Variants in MAX observed in about 807,000 individuals in gnomAD.
MAX encodes protein max.
MAX carries 3 observed loss-of-function variants against 22.3 expected under a neutral mutation model. The ratio of observed to expected loss-of-function variants is 0.13; its 90% CI spans 0.06 to 0.35. The LOEUF (loss-of-function observed/expected upper bound fraction) is 0.35. MAX is among the 10% of genes least tolerant of loss of function. The probability of loss-of-function intolerance (pLI) is 1.00; values close to 1 mark genes in which losing one functional copy is unlikely to be tolerated. For missense variants in MAX, 119 were observed against 209.4 expected (o/e 0.57, Z 2.66); for synonymous variants, 72 against 77.7 (o/e 0.93, Z 0.39).
chr14:65,102,608 C>G, upstream of MAX: 1 of 1,366,274 alleles, frequency 7.3e-7, no homozygotes, highest in South Asian at 1.7e-5. Context: ...ACTTGTAGTT[C>G]TTGTCCCTCT....
In MAX at chr14:65,029,426, A is replaced by G. The variant is rs971103337; in HGVS notation, c.172-23142T>C. On this transcript the variant is annotated intron_variant, in intron 3 of 3. Coordinates refer to the MAX transcript ENST00000341653. This position sits in a 1 kb window ranked among gnomAD's most constrained non-coding sequence, Gnocchi z 4.7. Reference sequence around the variant, plus strand: ...TCGCTGCCCTTCTGGGATAGACAGCAGTCTCTGGATGATCTTTCTGCTCTG... The same window carrying G: ...TCGCTGCCCTTCTGGGATAGACAGCGGTCTCTGGATGATCTTTCTGCTCTG... Among the ~76,000 whole-genome samples, 2 of 152,220 alleles carry G rather than the reference A, an allele frequency of 1.3e-5. No homozygotes were observed. Among genetic ancestry groups the G allele is most frequent in the African/African-American group, 4.8e-5 (2 of 41,462 alleles).
Position 65,078,536 on chromosome 14 carries a change from T to TTG in MAX, c.172-501_172-500insCA, listed in dbSNP as rs1566601575. 1.5e-4 allele frequency among the ~76,000 whole-genome samples: 23 copies of TTG among 149,032 alleles called. No homozygotes were observed. Among genetic ancestry groups the TTG allele is most frequent in the African/African-American group, 5.8e-4 (23 of 39,748 alleles). The stretch of plus-strand genomic sequence containing the variant: ...TGTTGTTGTTGTTGTTGTTGTTGTT[T>TTG]TTTTTTTTTTGGAGACGTAGTCTCG... On this transcript the variant is annotated intron_variant, in intron 3 of 4. Transcript: ENST00000358664. This position sits in a 1 kb window ranked among gnomAD's most constrained non-coding sequence, Gnocchi z 6.4.
intron 3 of MAX, among the ~76,000 whole-genome samples, chr14:65,022,878 G>A (rs1357368657): frequency 6.6e-6 from 1 of 152,028 alleles, no homozygotes; most frequent in Non-Finnish European, 1.5e-5. Context: ...CCATATTCAT[G>A]TGCCTTACCC....
chr14:65,023,876 G>A lies in MAX; in HGVS notation c.172-17592C>T, dbSNP rs1208720597. Among the ~76,000 whole-genome samples, 4 of 152,062 alleles carry A rather than the reference G, an allele frequency of 2.6e-5. No individual in the cohort carries two copies. The highest frequency in any genetic ancestry group is 3.2e-3 in the Middle Eastern group (1 of 316). On this transcript the variant is annotated intron_variant, in intron 3 of 3. Coordinates refer to the MAX transcript ENST00000341653. This position sits in a 1 kb window ranked among gnomAD's most constrained non-coding sequence, Gnocchi z 4.1. ...AGCACTTTGGGAGGCCAAGGCGGGC[G>A]GATTGTCTGAGCTCGGGAGTTCGAG... is the stretch of plus-strand genomic sequence containing the variant.
At chr14:65,060,617 A>G (rs1463587121) in intron 3 of MAX, among the ~76,000 whole-genome samples, 2 of 120,148 alleles carry the variant, frequency 1.7e-5, no homozygotes, top group Non-Finnish European at 3.1e-5. Flanking sequence ...AATGGCGTGA[A>G]CCCGGGAGGC....
intron 3 of MAX, among the ~76,000 whole-genome samples, chr14:65,025,710 G>A (rs1319769128): frequency 6.6e-6 from 1 of 152,162 alleles, no homozygotes; most frequent in Non-Finnish European, 1.5e-5. Context: ...AGCTACTTGG[G>A]AGGCTGAGGT....
chr14:65,065,837 A>G (rs2062926131), intron 3 of MAX, among the ~76,000 whole-genome samples: 1 of 152,124 alleles, frequency 6.6e-6, no homozygotes, highest in African/African-American at 2.4e-5. Flanking sequence ...ACCGCCTCTC[A>G]TTTGATCCTT....
intron 3 of MAX, among the ~76,000 whole-genome samples, chr14:65,018,721 A>G (rs1366611754): frequency 6.7e-6 from 1 of 149,728 alleles, no homozygotes; most frequent in African/African-American, 2.5e-5. Flanking sequence ...AAGGCAGGAG[A>G]ATTGCTTGAA....
intron 2 of MAX, among the ~76,000 whole-genome samples, chr14:65,094,595 G>A (rs567160324): frequency 6.6e-6 from 1 of 152,296 alleles, no homozygotes; most frequent in African/African-American, 2.4e-5. Context: ...CAGGCTAACT[G>A]GCAGTATCTA....
chr14:65,080,343 ACT>A (rs776144593), intron 3 of MAX, among the ~76,000 whole-genome samples: 6 of 152,238 alleles, frequency 3.9e-5, no homozygotes, highest in Non-Finnish European at 7.3e-5. Context: ...TACTTCAGAC[ACT>A]GTTTCCCATT....
At position 65,077,333 on chromosome 14, in the gene MAX, T is replaced by TG; in HGVS notation, c.295+579dup. On this transcript the variant is annotated intron_variant, in intron 4 of 4. Coordinates refer to ENST00000358664, the MANE Select transcript of MAX (RefSeq NM_002382.5). This position sits in a 1 kb window ranked among gnomAD's most constrained non-coding sequence, Gnocchi z 6.3. The stretch of plus-strand genomic sequence containing the variant: ...TTTATTTGAGGTTTTCTAACCCAGG[T>TG]GGTTACTTGCATTTCCTTTTACTTG... 6.3e-7 allele frequency: 1 copy of TG among 1,589,552 alleles called. No individual in the cohort carries two copies. Among genetic ancestry groups the TG allele is most frequent in the Non-Finnish European group, 8.6e-7 (1 of 1,157,800 alleles).
rs370347794 is a variant in MAX, at chr14:65,044,436, C to T, written c.172-38152G>A. ...TGCCCCTGCTCCACCGCGCACTGCA[C>T]GCCCAAGGTGAGCCTGGGGAGCTGT... On this transcript the variant is annotated intron_variant, in intron 3 of 3. Transcript: ENST00000341653. The surrounding 1 kb of genome is among the most constrained non-coding windows in gnomAD (Gnocchi z 5.5). 227 of 1,609,098 alleles carry T rather than the reference C, an allele frequency of 1.4e-4. 1 individual carries two copies. The highest frequency in any genetic ancestry group is 9.9e-4 in the South Asian group (89 of 90,152).
chr14:65,047,189 G>A lies in MAX; in HGVS notation c.172-40905C>T, dbSNP rs2062503480. Among the ~76,000 whole-genome samples the A allele has an allele frequency of 6.6e-6, 1 of 152,174 alleles. No homozygotes were observed. The highest frequency in any genetic ancestry group is 1.5e-5 in the Non-Finnish European group (1 of 68,046). On this transcript the variant is annotated intron_variant, in intron 3 of 3. Transcript: ENST00000341653. The surrounding 1 kb of genome is among the most constrained non-coding windows in gnomAD (Gnocchi z 5.2). ...TCCCAAGCCCTCACTGTATGCCAGG[G>A]GCTGTACTGAGCATTTCACATATGT...
At chr14:65,099,111 T>C (rs1595179444) in intron 2 of MAX, among the ~76,000 whole-genome samples, 3 of 152,102 alleles carry the variant, frequency 2.0e-5, no homozygotes, top group East Asian at 3.9e-4. Flanking sequence ...ATTATCCATA[T>C]TAAATATTGA....
At chr14:65,091,372 T>C (rs1180901329) in intron 3 of MAX, among the ~76,000 whole-genome samples, 1 of 152,206 alleles carries the variant, frequency 6.6e-6, no homozygotes, top group Non-Finnish European at 1.5e-5. Flanking sequence ...CAGTAGGACA[T>C]ATTTGGATTA....
intron 3 of MAX, among the ~76,000 whole-genome samples, chr14:65,025,390 G>T (rs754127169): frequency 6.6e-6 from 1 of 152,206 alleles, no homozygotes; most frequent in Admixed American, 6.5e-5. Context: ...CTTTTGGTAT[G>T]CTAGTGCAGC....
In MAX at chr14:65,011,431, G is replaced by GAA. The variant is rs767329195; in HGVS notation, c.172-5149_172-5148dup. 0.064 allele frequency among the ~76,000 whole-genome samples: 5,119 copies of GAA among 79,952 alleles called. 484 individuals are homozygous for GAA. Among genetic ancestry groups the GAA allele is most frequent in the African/African-American group, 0.2 (4,734 of 23,610 alleles). 52.5% of individuals were successfully genotyped at this position (79,952 alleles called of 152,430 possible). ...GTGACAGAGCGAGACTCCGTCTCAG[G>GAA]AAAAAAAAAAAAAAAAAAAAAGACT... On this transcript the variant is annotated intron_variant, in intron 3 of 3. Coordinates refer to the MAX transcript ENST00000341653. The surrounding 1 kb of genome is among the most constrained non-coding windows in gnomAD (Gnocchi z 4.0).
chr14:65,064,673 G>A (rs1239587933), intron 3 of MAX, among the ~76,000 whole-genome samples: 1 of 152,226 alleles, frequency 6.6e-6, no homozygotes, highest in Non-Finnish European at 1.5e-5. Context: ...GCACCAATTG[G>A]CCAAAGTCTT....
chr14:65,015,442 G>T (rs2061754358), intron 3 of MAX: 6 of 303,364 alleles, frequency 2.0e-5, no homozygotes, highest in East Asian at 4.9e-5. Flanking sequence ...TTTAACAGAT[G>T]GTCATTTCAG....
Sources: gnomAD v4.1 joint callset for allele counts (sites outside exome capture counted in the v4.1 genomes callset) on GRCh38, gnomAD v4.1.1 for gene constraint, Gnocchi (gnomAD v3.1) non-coding constraint, MANE v1.5 for transcripts, NCBI Gene and HGNC (gene_info 2026-07-23, HGNC 2026-07-21) for gene names.